NUP214: variants seen among roughly 807,000 people sequenced by gnomAD.
NUP214 encodes nucleoporin 214.
NUP214 carries 79 observed loss-of-function variants against 196.2 expected under a neutral mutation model. The ratio of observed to expected loss-of-function variants is 0.40; its 90% CI spans 0.34 to 0.49. The LOEUF (loss-of-function observed/expected upper bound fraction) is 0.49, where lower values mean the gene tolerates loss of function less well. Ranked by LOEUF, NUP214 falls within the 20% of genes least tolerant of loss-of-function variation. The pLI, the probability that NUP214 is intolerant of heterozygous loss-of-function variation, is 0.58. For synonymous variants in NUP214, 1,020 were observed against 990.5 expected (o/e 1.03, Z -0.56); for missense variants, 2,468 against 2,539.0 (o/e 0.97, Z 0.60).
At chr9:131,201,605 A>C in intron 29 of NUP214, 42 bp from the exon 30 acceptor site, 2 of 1,489,326 alleles carry the variant, frequency 1.3e-6, no homozygotes, top group South Asian at 2.3e-5. Flanking sequence ...TAAAAGACTC[A>C]TCCAATCCAA....
In NUP214 at chr9:131,197,799, C is replaced by G. The variant is rs1833834091; in HGVS notation, c.4305C>G (p.Gly1435=). The stretch of plus-strand genomic sequence containing the variant: ...TTGGTGGGACATCTCTAAGTGCTGG[C>G]AAGACTAGTTTTTCATTTGGAAGCC... ...ISFGGTSLSA[G]KTSFSFGSQQ... The change falls in exon 29 of 36, where the codon GGC becomes GGG. Residue 1435 remains glycine, a synonymous_variant. Transcript: ENST00000359428. The G allele has an allele frequency of 6.2e-7, 1 of 1,614,066 alleles. No individual in the cohort carries two copies. Among genetic ancestry groups the G allele is most frequent in the Non-Finnish European group, 8.5e-7 (1 of 1,180,038 alleles).
At position 131,150,350 on chromosome 9, in the gene NUP214, A is replaced by G; in HGVS notation, c.2067A>G (p.Ala689=). ...PQAKSLQPAV[A]EKQGHQWKDS... ...CAAAGTCACTTCAGCCTGCTGTTGC[A>G]GAAAAGCAGGGACATCAGTGGAAAG... The change falls in exon 15 of 36, where the codon GCA becomes GCG. Residue 689 remains alanine (A), a synonymous_variant. Coordinates refer to ENST00000359428, the MANE Select transcript of NUP214 (RefSeq NM_005085.4). 1 of 1,614,194 alleles carries G rather than the reference A, an allele frequency of 6.2e-7. No homozygotes were observed. Among genetic ancestry groups the G allele is most frequent in the Non-Finnish European group, 8.5e-7 (1 of 1,180,016 alleles).
At chr9:131,178,194 CATG>C in intron 23 of NUP214, 114 bp from the exon 24 acceptor site, 1 of 707,866 alleles carries the variant, frequency 1.4e-6, no homozygotes, top group Non-Finnish European at 2.4e-6. Flanking sequence ...ATTTCCTTCA[CATG>C]ATAAGGCTCT....
At chr9:131,150,116 G>A in intron 14 of NUP214, 1 of 497,210 alleles carries the variant, frequency 2.0e-6, no homozygotes, top group South Asian at 3.1e-5. Flanking sequence ...TTCCATAAGA[G>A]TTGGGCCCTC....
intron 31 of NUP214, among the ~76,000 whole-genome samples, chr9:131,218,246 C>T (rs934761642): frequency 6.6e-6 from 1 of 152,010 alleles, no homozygotes; most frequent in African/African-American, 2.4e-5. Flanking sequence ...TTTTGGGGTA[C>T]TAGGTGTATG....
In NUP214 at chr9:131,165,042, A is replaced by G. The variant is rs574356805; in HGVS notation, c.2893+898A>G. The G allele has an allele frequency of 7.2e-5, 11 of 152,374 alleles. No homozygotes were observed. In the East Asian group the frequency reaches 2.1e-3, roughly 29 times the overall value. The allele number at this position is 152,374 out of a possible 1,614,324, so 9.4% of individuals were successfully genotyped here. Reference sequence around the variant, plus strand: ...TAAATTAGATAAATAATAGTCACAGACAAGTTAATTTTCAAATAATTTTTC... The same window carrying G: ...TAAATTAGATAAATAATAGTCACAGGCAAGTTAATTTTCAAATAATTTTTC... On this transcript the variant is annotated intron_variant, in intron 21 of 35. Coordinates refer to ENST00000359428, the MANE Select transcript of NUP214 (RefSeq NM_005085.4).
chr9:131,224,759 C>T (rs1177599814), intron 32 of NUP214, among the ~76,000 whole-genome samples: 1 of 152,172 alleles, frequency 6.6e-6, no homozygotes, highest in African/African-American at 2.4e-5. Flanking sequence ...TCACAGCTTT[C>T]TTTTTGCTAC....
At chr9:131,144,904 A>G (rs1352357431) in intron 12 of NUP214, 150 bp downstream of exon 12, 7 of 625,466 alleles carry the variant, frequency 1.1e-5, no homozygotes, top group South Asian at 2.1e-5. Flanking sequence ...TTCAACCAAC[A>G]TAAAATACTG....
At chr9:131,171,615 C>G (rs1363384751) in intron 21 of NUP214, among the ~76,000 whole-genome samples, 1 of 146,234 alleles carries the variant, frequency 6.8e-6, no homozygotes, top group Non-Finnish European at 1.5e-5. Context: ...AGGTTAGTTA[C>G]ATATGTATAC....
intron 10 of NUP214, among the ~76,000 whole-genome samples, chr9:131,140,109 G>A (rs529250018): frequency 6.6e-6 from 1 of 152,280 alleles, no homozygotes; most frequent in African/African-American, 2.4e-5. Flanking sequence ...CTGTGAATGA[G>A]GATAAAGTGG....
At chr9:131,157,111 T>A (rs1832474395) in intron 17 of NUP214, among the ~76,000 whole-genome samples, 1 of 151,862 alleles carries the variant, frequency 6.6e-6, no homozygotes, top group African/African-American at 2.4e-5. Flanking sequence ...TAGCTGGGTC[T>A]ACAAGTGTAC....
chr9:131,225,080 T>G (rs1439797932), intron 32 of NUP214, among the ~76,000 whole-genome samples: 2 of 150,688 alleles, frequency 1.3e-5, no homozygotes, highest in African/African-American at 4.9e-5. Context: ...CTGGGCAACA[T>G]AGTGAGACCC....
At position 131,199,023 on chromosome 9, in the gene NUP214, T is replaced by G. The variant is rs770362223; in HGVS notation, c.5521+8T>G. ...GCTTTTGCCAAGCTTCAGGTAAGAA[T>G]TTGTGGAAGCTTTTTACTTGTTTCC... On this transcript the variant is annotated splice_region_variant and intron_variant, in intron 29 of 35. Transcript: ENST00000359428. The G allele has an allele frequency of 3.4e-5, 53 of 1,572,664 alleles. No individual in the cohort carries two copies. The highest frequency in any genetic ancestry group is 4.5e-5 in the Non-Finnish European group (52 of 1,159,356).
rs1834336224 is a variant in NUP214, at chr9:131,214,437, G to A, written c.5593-775G>A. On this transcript the variant is annotated intron_variant, in intron 30 of 35. Transcript: ENST00000359428. ...GGATCCATAGCACCGCTCTGCTCTT[G>A]CAAGTTTCTATGCACAGTGGCCCCT... is the stretch of plus-strand genomic sequence containing the variant. 2.0e-5 allele frequency among the ~76,000 whole-genome samples: 3 copies of A among 152,158 alleles called. No individual in the cohort carries two copies. In the South Asian group the frequency reaches 6.2e-4, roughly 32 times the overall value.
At chr9:131,187,263 G>A (rs767524782) in intron 24 of NUP214, 26 bp from the exon 25 acceptor site, 9 of 1,602,558 alleles carry the variant, frequency 5.6e-6, no homozygotes, top group Non-Finnish European at 6.8e-6. Context: ...GCCTTTCTCT[G>A]AGTGTATGCT....
rs367679245 is a variant in NUP214 at position 131,233,509 on chromosome 9, G to T, written c.*22G>T. 2 of 1,613,432 alleles carry T rather than the reference G, an allele frequency of 1.2e-6. No individual in the cohort carries two copies. The highest frequency in any genetic ancestry group is 1.7e-5 in the Admixed American group (1 of 59,994). On this transcript the variant is annotated 3_prime_UTR_variant, in exon 36 of 36. Coordinates refer to ENST00000359428, the MANE Select transcript of NUP214 (RefSeq NM_005085.4). ...CTGAGGGCGTGTCAGCAGGCCTTTC[G>T]ATCCCTGGGACCAACCGCATCCTCA...
chr9:131,202,699 C>G (rs550472901), intron 30 of NUP214, among the ~76,000 whole-genome samples: 8 of 152,072 alleles, frequency 5.3e-5, no homozygotes, highest in East Asian at 1.9e-4. Flanking sequence ...GCCTTGGCCT[C>G]TCAAAGTGCT....
intron 25 of NUP214, among the ~76,000 whole-genome samples, 171 bp downstream of exon 25, chr9:131,187,535 C>G (rs1039336538): frequency 6.6e-6 from 1 of 152,072 alleles, no homozygotes; most frequent in Non-Finnish European, 1.5e-5. Flanking sequence ...TACAGGCACC[C>G]ACCACCATGC....
rs555875925 is a variant in NUP214, at chr9:131,125,672, C to G, written c.-33C>G. ...CCGTGGGCAAGGCCGTGGGAGGCAG[C>G]GTTGGCTGCTTCGACACACTGAGGG... On this transcript the variant is annotated 5_prime_UTR_variant, in exon 1 of 36. Transcript: ENST00000359428. The surrounding 1 kb of genome is among the most constrained non-coding windows in gnomAD (Gnocchi z 4.1). 6.5e-7 allele frequency: 1 copy of G among 1,547,298 alleles called. No individual in the cohort carries two copies.
Sources: allele counts gnomAD v4.1 joint callset (sites outside exome capture counted in the v4.1 genomes callset), GRCh38; gene constraint gnomAD v4.1.1; non-coding constraint Gnocchi (gnomAD v3.1); transcripts MANE v1.5; gene names NCBI Gene and HGNC (gene_info 2026-07-23, HGNC 2026-07-21).